ERLEC1: variants seen among roughly 807,000 people sequenced by gnomAD.
The protein encoded by ERLEC1 is ER lectin.
Under a neutral mutation model 68.0 loss-of-function variants are expected in ERLEC1, and 47 were observed. The observed-to-expected ratio is 0.69, with a 90% confidence interval of 0.55 to 0.88. ERLEC1 has a LOEUF of 0.88. ERLEC1 is among the 40% of genes least tolerant of loss of function. The probability of loss-of-function intolerance (pLI) is 0.00; values close to 1 mark genes in which losing one functional copy is unlikely to be tolerated. For synonymous variants in ERLEC1, 225 were observed against 203.2 expected (o/e 1.11, Z -0.91); for missense variants, 567 against 583.8 (o/e 0.97, Z 0.30).
At chr2:53,809,344 A>G in intron 10 of ERLEC1, 71 bp downstream of exon 10, 1 of 1,045,710 alleles carries the variant, frequency 9.6e-7, no homozygotes, top group South Asian at 1.7e-5. Context: ...TGTAGAAAAA[A>G]AGGGGGAATG....
chr2:53,814,672 C>A, intron 12 of ERLEC1, 52 bp downstream of exon 12: 2 of 1,342,730 alleles, frequency 1.5e-6, no homozygotes, highest in Non-Finnish European at 2.1e-6. Context: ...TAACTGCTTC[C>A]TATGGACAAA....
intron 10 of ERLEC1, among the ~76,000 whole-genome samples, chr2:53,810,224 C>G (rs890917378): frequency 6.6e-6 from 1 of 152,114 alleles, no homozygotes; most frequent in Non-Finnish European, 1.5e-5. Flanking sequence ...AATCCAAACA[C>G]TTTGGGGGGC....
chr2:53,814,304 T>C (rs574421621), intron 11 of ERLEC1, among the ~76,000 whole-genome samples: 7 of 152,164 alleles, frequency 4.6e-5, no homozygotes, highest in Non-Finnish European at 8.8e-5. Flanking sequence ...AATATGCAAG[T>C]TGAAAATAAT....
chr2:53,811,188 G>T (rs1473642979), intron 10 of ERLEC1, among the ~76,000 whole-genome samples: 1 of 152,228 alleles, frequency 6.6e-6, no homozygotes, highest in Non-Finnish European at 1.5e-5. Context: ...AGCAGATACA[G>T]AGGATTATGT....
At chr2:53,816,149 T>G (rs1456755991) in intron 13 of ERLEC1, among the ~76,000 whole-genome samples, 2 of 152,098 alleles carry the variant, frequency 1.3e-5, no homozygotes, top group African/African-American at 4.8e-5. Context: ...GGCGCAATCT[T>G]GGCTCACTGC....
chr2:53,802,299 A>T (rs1465236037), intron 8 of ERLEC1, among the ~76,000 whole-genome samples: 2 of 152,078 alleles, frequency 1.3e-5, no homozygotes, highest in African/African-American at 2.4e-5. Context: ...TCTCACACTC[A>T]TCATTTTTTT....
chr2:53,794,662 T>A (rs1396276057), intron 2 of ERLEC1, among the ~76,000 whole-genome samples: 1 of 152,198 alleles, frequency 6.6e-6, no homozygotes, highest in African/African-American at 2.4e-5. Context: ...ATTTTATTTA[T>A]TTATTTATTT....
intron 1 of ERLEC1, chr2:53,787,590 C>T (rs1675122638): frequency 2.2e-6 from 1 of 447,610 alleles, no homozygotes; most frequent in South Asian, 6.1e-5. Flanking sequence ...CAGCAATCAC[C>T]TGCTCTCCAC....
intron 2 of ERLEC1, among the ~76,000 whole-genome samples, chr2:53,795,459 C>T (rs1220510978): frequency 2.0e-5 from 3 of 151,808 alleles, no homozygotes; most frequent in South Asian, 2.1e-4. Flanking sequence ...CACACACACA[C>T]GCACACGGCA....
intron 1 of ERLEC1, among the ~76,000 whole-genome samples, chr2:53,791,751 G>C (rs1178905145): frequency 6.6e-6 from 1 of 152,014 alleles, no homozygotes; most frequent in Non-Finnish European, 1.5e-5. Flanking sequence ...AAGCATTTTG[G>C]AGACCATTTT....
At chr2:53,817,638 G>A (rs995265167) in intron 13 of ERLEC1, among the ~76,000 whole-genome samples, 1 of 151,954 alleles carries the variant, frequency 6.6e-6, no homozygotes, top group African/African-American at 2.4e-5. Context: ...AGAGCTATGT[G>A]TTCCTCTCTT....
chr2:53,807,886 G>A (rs1010746078), intron 8 of ERLEC1, among the ~76,000 whole-genome samples: 12 of 152,044 alleles, frequency 7.9e-5, no homozygotes, highest in Admixed American at 1.3e-4. Flanking sequence ...AATGCCAGGC[G>A]TGGTGGCAGG....
At chr2:53,803,886 T>C (rs961258495) in intron 8 of ERLEC1, among the ~76,000 whole-genome samples, 1 of 152,240 alleles carries the variant, frequency 6.6e-6, no homozygotes, top group African/African-American at 2.4e-5. Context: ...TCCAGCACTT[T>C]GGGAGGCCGA....
At position 53,797,561 on chromosome 2, in the gene ERLEC1, G is replaced by A. The variant is rs1463619232; in HGVS notation, c.395G>A (p.Arg132Gln). The A allele has an allele frequency of 3.1e-6, 5 of 1,612,594 alleles. No individual in the cohort carries two copies. Among genetic ancestry groups the A allele is most frequent in the Admixed American group, 1.7e-5 (1 of 59,852 alleles). Residue 132 changes from arginine to glutamine, a missense_variant, in exon 4 of 14, where the codon CGG (arginine) becomes CAG (glutamine). By Grantham distance (43) the Arg-to-Gln change is conservative. Transcript: ENST00000185150. The stretch of plus-strand genomic sequence containing the variant: ...GAAGTATGTCATGGAAAACACATTC[G>A]GCAGTACCATGAAGAGAAAGAAACT... Reference protein sequence around the residue: ...TYEVCHGKHIRQYHEEKETGQ... With the variant: ...TYEVCHGKHIQQYHEEKETGQ...
At chr2:53,817,291 G>A (rs1482789249) in intron 13 of ERLEC1, among the ~76,000 whole-genome samples, 24 of 151,798 alleles carry the variant, frequency 1.6e-4, no homozygotes, top group African/African-American at 5.1e-4. Flanking sequence ...GTCCCACCAC[G>A]CCTGGCTAAT....
chr2:53,803,258 C>T (rs112679447), intron 8 of ERLEC1, among the ~76,000 whole-genome samples: 1 of 152,206 alleles, frequency 6.6e-6, no homozygotes, highest in African/African-American at 2.4e-5. Flanking sequence ...TTGTGACCAA[C>T]ACTGTCATTC....
intron 5 of ERLEC1, among the ~76,000 whole-genome samples, 196 bp downstream of exon 5, chr2:53,797,991 T>C (rs1355350082): frequency 2.6e-5 from 4 of 152,046 alleles, no homozygotes; most frequent in Non-Finnish European, 4.4e-5. Context: ...GGTCGGGAGA[T>C]TGAGACCATC....
intron 3 of ERLEC1, 121 bp downstream of exon 3, chr2:53,796,134 A>G: frequency 1.6e-6 from 1 of 613,382 alleles, no homozygotes; most frequent in Non-Finnish European, 2.7e-6. Context: ...CTATTATTTT[A>G]GGTTTAGGGT....
intron 3 of ERLEC1, among the ~76,000 whole-genome samples, chr2:53,796,592 T>C (rs1445665820): frequency 6.6e-6 from 1 of 152,008 alleles, no homozygotes; most frequent in East Asian, 1.9e-4. Flanking sequence ...CCCCAGTAGC[T>C]GAGCACCACC....
Sources: gnomAD v4.1 joint callset for allele counts (sites outside exome capture counted in the v4.1 genomes callset) on GRCh38, gnomAD v4.1.1 for gene constraint, MANE v1.5 for transcripts, NCBI Gene and HGNC (gene_info 2026-07-23, HGNC 2026-07-21) for gene names.